Variants in MYO15B observed in about 807,000 individuals in gnomAD.
The protein encoded by MYO15B is myosin XVB pseudogene.
Under a neutral mutation model 119.3 loss-of-function variants are expected in MYO15B, and 207 were observed. That is an observed-to-expected ratio of 1.73 (90% CI 1.55 to 1.95). MYO15B has a LOEUF of 1.95. Ranked by LOEUF, MYO15B falls within the 30% of genes most tolerant of loss-of-function variation. MYO15B has a pLI of 0.00. For missense variants in MYO15B, 2,264 were observed against 1,203.1 expected (o/e 1.88, Z -13.04); for synonymous variants, 966 against 498.9 (o/e 1.94, Z -12.48).
intron 59 of MYO15B, 47 bp from the exon 60 acceptor site, chr17:75,625,076 G>A (rs1398576273): frequency 7.5e-6 from 5 of 664,476 alleles, no homozygotes; most frequent in Admixed American, 2.1e-5. Flanking sequence ...CCAACTGATG[G>A]GGGGCTTTGG....
At position 75,620,022 on chromosome 17, in the gene MYO15B, T is replaced by C; in HGVS notation, c.7443+2T>C. ...CTATTCCTGAATGAGCTTAAGAAGG[T>C]AAGTGTGGGGCACGGGTTGAGAGGC... On this transcript the variant is annotated splice_donor_variant, in intron 47 of 63. Coordinates refer to ENST00000645453, the Ensembl canonical transcript of MYO15B. LOFTEE classifies it high-confidence loss of function. The C allele has an allele frequency of 1.4e-6, 1 of 699,548 alleles. No homozygotes were observed. The highest frequency in any genetic ancestry group is 2.6e-6 in the Non-Finnish European group (1 of 383,134). 43.3% of individuals were successfully genotyped at this position (699,548 alleles called of 1,614,324 possible).
chr17:75,595,219 C>T (rs1054088036), intron 12 of MYO15B, among the ~76,000 whole-genome samples: 1 of 152,184 alleles, frequency 6.6e-6, no homozygotes, highest in African/African-American at 2.4e-5. Flanking sequence ...GGGCTGTCTG[C>T]GCGCCTTGGA....
At chr17:75,598,527 CAAA>C (rs34267285) in intron 14 of MYO15B, among the ~76,000 whole-genome samples, 28 of 20,626 alleles carry the variant, frequency 1.4e-3, no homozygotes, top group Non-Finnish European at 2.2e-3. Flanking sequence ...GACTCCATCT[CAAA>C]AAAAAAAAAA....
intron 1 of MYO15B, 63 bp downstream of exon 1, chr17:75,590,306 C>G: frequency 2.5e-6 from 1 of 398,984 alleles, no homozygotes; most frequent in Non-Finnish European, 4.4e-6. Context: ...CCACCCTGCC[C>G]TCATCTTTAT....
rs766857830 is a variant in MYO15B, at chr17:75,615,615, G to A, written c.5838+15G>A. 1.6e-5 allele frequency: 11 copies of A among 686,220 alleles called. No homozygotes were observed. Among genetic ancestry groups the A allele is most frequent in the Non-Finnish European group, 2.7e-5 (10 of 376,122 alleles). The allele number at this position is 686,220 out of a possible 1,614,324, so 42.5% of individuals were successfully genotyped here. ...CGCTAATCCTGGTGAGCGCTGGCAGGGCCCTGGGGCCACCTGGTGGAGGAG... is the reference window on the plus strand; with the variant it reads ...CGCTAATCCTGGTGAGCGCTGGCAGAGCCCTGGGGCCACCTGGTGGAGGAG... On this transcript the variant is annotated intron_variant, in intron 35 of 63. Coordinates refer to ENST00000645453, the Ensembl canonical transcript of MYO15B.
intron 53 of MYO15B, 83 bp from the exon 54 acceptor site, chr17:75,623,698 G>A (rs1013999578): frequency 4.6e-5 from 32 of 688,944 alleles, no homozygotes; most frequent in Non-Finnish European, 7.1e-5. Context: ...CCAGCCCATG[G>A]CCTAGCAGGG....
chr17:75,626,264 G>C (rs774112709), intron 63 of MYO15B, 36 bp downstream of exon 63: 2 of 701,062 alleles, frequency 2.9e-6, no homozygotes, highest in Admixed American at 2.0e-5. Context: ...TTGCGAAGGT[G>C]GATGTGAGGG....
intron 15 of MYO15B, chr17:75,602,293 G>A: frequency 1.5e-6 from 1 of 669,392 alleles, no homozygotes; most frequent in Non-Finnish European, 2.7e-6. Flanking sequence ...TAAAGCCCCA[G>A]TGGGGAGAGT....
chr17:75,595,408 C>T (rs1258926357), intron 12 of MYO15B, among the ~76,000 whole-genome samples: 1 of 152,148 alleles, frequency 6.6e-6, no homozygotes, highest in East Asian at 1.9e-4. Flanking sequence ...CCGTGCTGTC[C>T]TCCTGCTGGG....
At chr17:75,619,157 C>A (rs948588286) in exon 44 of MYO15B, 1 of 702,936 alleles carries the variant, frequency 1.4e-6, no homozygotes, top group Non-Finnish European at 2.6e-6. Context: ...TACGGGACAC[C>A]TTCTCCGAGT....
chr17:75,624,184 G>C (rs940273489), exon 56 of MYO15B: 10 of 702,838 alleles, frequency 1.4e-5, no homozygotes, highest in Non-Finnish European at 2.6e-5. Flanking sequence ...GAGCTGGCCC[G>C]GAGCAGCCAG....
chr17:75,599,463 AT>A (rs1261640595), intron 14 of MYO15B, among the ~76,000 whole-genome samples: 2 of 149,192 alleles, frequency 1.3e-5, no homozygotes, highest in Non-Finnish European at 3.0e-5. Flanking sequence ...TTTTTTTTGT[AT>A]TTTTAGTAGA....
chr17:75,621,054 G>A (rs1373261260), exon 50 of MYO15B: 1 of 702,750 alleles, frequency 1.4e-6, no homozygotes, highest in Non-Finnish European at 2.6e-6. Context: ...CTTGGAGCCA[G>A]GCACACAGTG....
intron 53 of MYO15B, 44 bp downstream of exon 53, chr17:75,622,124 C>T: frequency 1.4e-6 from 1 of 699,802 alleles, no homozygotes; most frequent in Non-Finnish European, 2.6e-6. Flanking sequence ...GCCTGTCCTC[C>T]TGTCTGGGCC....
chr17:75,610,012 CCTATT>C (rs1421947004), intron 21 of MYO15B, among the ~76,000 whole-genome samples, 149 bp from the exon 22 acceptor site: 1 of 152,188 alleles, frequency 6.6e-6, no homozygotes, highest in African/African-American at 2.4e-5. Context: ...TTTGAAGTAT[CCTATT>C]CTTTTCCTGT....
intron 28 of MYO15B, 53 bp from the exon 29 acceptor site, chr17:75,613,652 A>G (rs2058171218): frequency 1.4e-6 from 1 of 693,254 alleles, no homozygotes; most frequent in Admixed American, 2.1e-5. Flanking sequence ...CCTTCCTGTC[A>G]GGGTGGACTC....
chr17:75,589,069 C>T lies in MYO15B; in HGVS notation c.1012C>T (p.Leu338=), dbSNP rs548584848. ...GGACCCAGCCCCGCTGGCGGCCCTC[C>T]TGGTGGTCCGCAGGCTCCTCGCGAG... Residue 338 remains leucine (L), a synonymous_variant, in exon 1 of 64, where the codon CTG becomes TTG. Transcript: ENST00000645453. The surrounding 1 kb of genome is among the most constrained non-coding windows in gnomAD (Gnocchi z 4.2). 6.2e-4 allele frequency: 245 copies of T among 395,670 alleles called. 1 individual carries two copies. In the East Asian group the frequency reaches 8.5e-3, roughly 14 times the overall value. 24.5% of individuals were successfully genotyped at this position (395,670 alleles called of 1,614,324 possible).
In MYO15B at chr17:75,590,757, G is replaced by C. The variant is rs148491300; in HGVS notation, c.2250+68G>C. The C allele has an allele frequency of 2.7e-3, 518 of 190,226 alleles. 6 individuals are homozygous for C. The highest frequency in any genetic ancestry group is 0.011 in the African/African-American group (488 of 42,762). 11.8% of individuals were successfully genotyped at this position (190,226 alleles called of 1,614,324 possible). ...TTTCTCTGGGGACAGAGGGCTCCCT[G>C]GCACCCCTGGAGATTCTCCTTCCTC... On this transcript the variant is annotated intron_variant, in intron 2 of 63. Transcript: ENST00000645453.
At chr17:75,600,322 C>A (rs369961578) in intron 14 of MYO15B, among the ~76,000 whole-genome samples, 1 of 151,278 alleles carries the variant, frequency 6.6e-6, no homozygotes, top group East Asian at 2.0e-4. Context: ...CCACCGCGTC[C>A]GGCCTAAGAG....
Sources: gnomAD v4.1 joint callset for allele counts (sites outside exome capture counted in the v4.1 genomes callset) on GRCh38, gnomAD v4.1.1 for gene constraint, Gnocchi (gnomAD v3.1) non-coding constraint, MANE v1.5 for transcripts, NCBI Gene and HGNC (gene_info 2026-07-23, HGNC 2026-07-21) for gene names.